CSGALNACT1: variants seen among roughly 807,000 people sequenced by gnomAD.
CSGALNACT1 encodes the protein chondroitin sulfate N-acetylgalactosaminyltransferase 1, also known as beta4GalNAcT-1.
In CSGALNACT1, 52 loss-of-function variants were observed where a neutral mutation model predicts 51.0. That is an observed-to-expected ratio of 1.02 (90% CI 0.82 to 1.29). The LOEUF is 1.29. CSGALNACT1 is among the 50% of genes most tolerant of loss of function. The pLI is 0.00. For missense variants in CSGALNACT1, 935 were observed against 679.2 expected, an observed-to-expected ratio of 1.38 and a Z score of -4.19; for synonymous variants, 341 against 254.4, an observed-to-expected ratio of 1.34 and a Z score of -3.24.
At chr8:19,618,456 C>A (rs992445516) in intron 1 of CSGALNACT1, among the ~76,000 whole-genome samples, 6 of 151,610 alleles carry the variant, frequency 4.0e-5, no homozygotes, top group Non-Finnish European at 5.9e-5. Flanking sequence ...GCCTAGCCAA[C>A]ATGGTGAAGT....
chr8:19,755,203 T>C (rs188040819), intron 1 of CSGALNACT1, among the ~76,000 whole-genome samples: 1 of 152,098 alleles, frequency 6.6e-6, no homozygotes, highest in Admixed American at 6.5e-5. Flanking sequence ...AACATGAAGA[T>C]TGGTAAGTAT....
At chr8:19,706,421 G>A (rs1218430854) in intron 1 of CSGALNACT1, among the ~76,000 whole-genome samples, 4 of 152,150 alleles carry the variant, frequency 2.6e-5, no homozygotes, top group South Asian at 2.1e-4. Flanking sequence ...GAGAGCAGTG[G>A]AGCCACGGCA....
intron 1 of CSGALNACT1, among the ~76,000 whole-genome samples, chr8:19,655,538 A>G (rs1003603705): frequency 7.7e-5 from 10 of 129,776 alleles, no homozygotes; most frequent in Admixed American, 7.1e-4. Flanking sequence ...TTTTACATAT[A>G]CATCTATATG....
intron 3 of CSGALNACT1, chr8:19,585,235 A>G (rs1006986684): frequency 2.0e-5 from 3 of 152,142 alleles, no homozygotes; most frequent in African/African-American, 7.2e-5. Context: ...CAGCCCCACA[A>G]AGGTTCTCTC....
intron 5 of CSGALNACT1, among the ~76,000 whole-genome samples, chr8:19,453,448 C>T (rs927934124): frequency 9.9e-5 from 15 of 152,192 alleles, no homozygotes; most frequent in Non-Finnish European, 7.4e-5. Flanking sequence ...GTTAAAAAAA[C>T]AGAGATGCTA....
At position 19,505,541 on chromosome 8, in the gene CSGALNACT1, G is replaced by C. The variant is rs747765687; in HGVS notation, c.294C>G (p.Tyr98Ter). Residue 98 changes from tyrosine to a stop codon, truncating the protein, a stop_gained, in exon 4 of 10, where the codon TAC becomes TAG. Transcript: ENST00000454498. LOFTEE classifies it high-confidence loss of function. ...CCAGGCCAGCAGCATCGCTGGCTTG[G>C]TACTGCCCATTCCTGAGCTGCTCAC... 1 of 1,613,918 alleles carries C rather than the reference G, an allele frequency of 6.2e-7. No homozygotes were observed. The highest frequency in any genetic ancestry group is 8.5e-7 in the Non-Finnish European group (1 of 1,180,034).
At chr8:19,631,496 G>GC (rs1382052414) in intron 1 of CSGALNACT1, among the ~76,000 whole-genome samples, 1 of 152,152 alleles carries the variant, frequency 6.6e-6, no homozygotes, top group Non-Finnish European at 1.5e-5. Context: ...CCAGAATTCA[G>GC]CCTGCAATTG....
At chr8:19,521,364 G>C (rs1339259475) in intron 3 of CSGALNACT1, among the ~76,000 whole-genome samples, 1 of 152,052 alleles carries the variant, frequency 6.6e-6, no homozygotes, top group African/African-American at 2.4e-5. Flanking sequence ...ATTACATGAG[G>C]AGAAAAAAAA....
chr8:19,741,011 T>C (rs1216572118), intron 1 of CSGALNACT1, among the ~76,000 whole-genome samples: 1 of 152,224 alleles, frequency 6.6e-6, no homozygotes, highest in African/African-American at 2.4e-5. Flanking sequence ...ACTCTGAGAA[T>C]GAGGTCATGA....
At chr8:19,496,414 CT>C (rs1029246425) in intron 4 of CSGALNACT1, among the ~76,000 whole-genome samples, 34 of 152,130 alleles carry the variant, frequency 2.2e-4, no homozygotes, top group Admixed American at 1.1e-3. Flanking sequence ...CTATGGGACT[CT>C]GCTTGATGGT....
intron 3 of CSGALNACT1, among the ~76,000 whole-genome samples, chr8:19,506,452 A>T (rs4922049): frequency 1.3e-5 from 2 of 152,212 alleles, no homozygotes; most frequent in South Asian, 2.1e-4. Context: ...TAGTGGCGCA[A>T]GTCCTGATGG....
At chr8:19,663,789 G>A (rs1248019361) in intron 1 of CSGALNACT1, among the ~76,000 whole-genome samples, 1 of 152,192 alleles carries the variant, frequency 6.6e-6, no homozygotes, top group African/African-American at 2.4e-5. Context: ...GGAATCTCAG[G>A]CATGAGAACA....
At chr8:19,691,853 C>T (rs537674789) in intron 1 of CSGALNACT1, among the ~76,000 whole-genome samples, 53 of 152,288 alleles carry the variant, frequency 3.5e-4, no homozygotes, top group African/African-American at 1.2e-3. Context: ...GAGAAATGCA[C>T]ATCTCCAGCC....
intron 3 of CSGALNACT1, among the ~76,000 whole-genome samples, chr8:19,506,706 G>C (rs1020871010): frequency 6.6e-6 from 1 of 152,088 alleles, no homozygotes; most frequent in Non-Finnish European, 1.5e-5. Context: ...ACTCCTTGTT[G>C]AAAAGAGCCT....
chr8:19,496,160 A>G lies in CSGALNACT1; in HGVS notation c.634+9041T>C, dbSNP rs74846007. Among the ~76,000 whole-genome samples, 410 of 152,374 alleles carry G rather than the reference A, an allele frequency of 2.7e-3. 8 individuals are homozygous for G. In the East Asian group the frequency reaches 0.048, roughly 18 times the overall value. The stretch of plus-strand genomic sequence containing the variant: ...TTAAGATAATATGGCATTTGGGAGA[A>G]GAAATCCAAGGGCCCAACACTACTC... On this transcript the variant is annotated intron_variant, in intron 4 of 9. Coordinates refer to ENST00000454498, the Ensembl canonical transcript of CSGALNACT1.
intron 9 of CSGALNACT1, among the ~76,000 whole-genome samples, chr8:19,406,721 G>T (rs559981793): frequency 1.3e-5 from 2 of 151,820 alleles, no homozygotes; most frequent in South Asian, 4.2e-4. Context: ...CTGTGAGGAG[G>T]TGGCCTTCTC....
chr8:19,634,451 A>C (rs1047151741), intron 1 of CSGALNACT1, among the ~76,000 whole-genome samples: 1 of 152,118 alleles, frequency 6.6e-6, no homozygotes, highest in Admixed American at 6.6e-5. Flanking sequence ...CATTTGAGCC[A>C]AAGAGTTCCA....
chr8:19,405,573 T>G (rs1198605653), exon 10 of CSGALNACT1: 1 of 714,496 alleles, frequency 1.4e-6, no homozygotes, highest in Admixed American at 2.0e-5. Context: ...CTTCACAGGG[T>G]GCAACTGGGT....
intron 3 of CSGALNACT1, among the ~76,000 whole-genome samples, chr8:19,515,103 G>T (rs1262876097): frequency 1.3e-5 from 2 of 151,850 alleles, no homozygotes; most frequent in Non-Finnish European, 2.9e-5. Context: ...ATTCCTTCGG[G>T]AACCCAGCCT....
Sources: gnomAD v4.1 joint callset for allele counts (sites outside exome capture counted in the v4.1 genomes callset) on GRCh38, gnomAD v4.1.1 for gene constraint, MANE v1.5 for transcripts, NCBI Gene and HGNC (gene_info 2026-07-23, HGNC 2026-07-21) for gene names.